A2M: variants seen among roughly 807,000 people sequenced by gnomAD.
The protein encoded by A2M is alpha-2-macroglobulin, also known as C3 and PZP-like alpha-2-macroglobulin domain-containing protein 5.
In A2M, 128 loss-of-function variants were observed where a neutral mutation model predicts 183.9. That is an observed-to-expected ratio of 0.70 (90% CI 0.60 to 0.81). The LOEUF is 0.81. Among genes scored for constraint, A2M ranks in the 30% least tolerant of loss-of-function variants. The probability of loss-of-function intolerance (pLI) is 0.00; values close to 1 mark genes in which losing one functional copy is unlikely to be tolerated. For synonymous variants in A2M, 592 were observed against 670.8 expected, an observed-to-expected ratio of 0.88 and a Z score of 1.81; for missense variants, 1,495 against 1,787.6, an observed-to-expected ratio of 0.84 and a Z score of 2.95.
rs756478524 is a variant in A2M at position 9,074,737 on chromosome 12, C to G, written c.3579G>C (p.Val1193=). Residue 1193 remains valine (V), a synonymous_variant, in exon 29 of 36, where the codon GTG becomes GTC. Coordinates refer to ENST00000318602, the MANE Select transcript of A2M (RefSeq NM_000014.6). Reference sequence around the variant, plus strand: ...GAGCCTGGGGTTCGTAAAAATGCCCCACTGGTGCCTTGGGTTTCTGAGGGC... The same window carrying G: ...GAGCCTGGGGTTCGTAAAAATGCCCGACTGGTGCCTTGGGTTTCTGAGGGC... ...WERPQKPKAP[V]GHFYEPQAPS... 6.2e-7 allele frequency: 1 copy of G among 1,613,740 alleles called. No homozygotes were observed. The highest frequency in any genetic ancestry group is 8.5e-7 in the Non-Finnish European group (1 of 1,179,934).
intron 1 of A2M, chr12:9,115,162 G>A (rs1939028614): frequency 6.6e-6 from 1 of 152,328 alleles, no homozygotes; most frequent in Non-Finnish European, 1.5e-5. Context: ...AAATCACCTA[G>A]TACTCTATTA....
intron 22 of A2M, among the ~76,000 whole-genome samples, chr12:9,085,417 G>A (rs1457453759): frequency 2.0e-5 from 3 of 151,882 alleles, no homozygotes; most frequent in Non-Finnish European, 2.9e-5. Flanking sequence ...AACAGCCAAT[G>A]GGTCAATAAA....
chr12:9,079,689 T>G lies in A2M; in HGVS notation c.2981A>C (p.Gln994Pro). Residue 994 changes from glutamine (Q) to proline (P), a missense_variant, in exon 24 of 36, where the codon CAG becomes CCG. Gln to Pro is a moderately conservative substitution (Grantham distance 76). Transcript: ENST00000318602. ...IYVLDYLNET[Q>P]QLTPEIKSKA... ...GGACTTGATCTCTGGAGTAAGCTGC[T>G]GTGTTTCATTTAGATAATCCAGTAC... The G allele has an allele frequency of 6.2e-7, 1 of 1,613,788 alleles. No individual in the cohort carries two copies. The highest frequency in any genetic ancestry group is 8.5e-7 in the Non-Finnish European group (1 of 1,179,790).
At chr12:9,084,983 C>G (rs1949013512) in intron 22 of A2M, among the ~76,000 whole-genome samples, 2 of 152,142 alleles carry the variant, frequency 1.3e-5, no homozygotes, top group Non-Finnish European at 2.9e-5. Flanking sequence ...AAGGATATAA[C>G]AATTGTAAAT....
intron 1 of A2M, 119 bp from the exon 2 acceptor site, chr12:9,113,662 G>C (rs780531374): frequency 2.0e-6 from 2 of 1,024,438 alleles, no homozygotes; most frequent in Non-Finnish European, 2.9e-6. Context: ...AAGATGTACT[G>C]ATGAGCATGA....
chr12:9,087,301 A>G lies in A2M; in HGVS notation c.2770+1899T>C, dbSNP rs147862532. Among the ~76,000 whole-genome samples the G allele has an allele frequency of 2.7e-3, 417 of 152,332 alleles. 1 individual carries two copies. Among genetic ancestry groups the G allele is most frequent in the African/African-American group, 9.8e-3 (408 of 41,588 alleles). On this transcript the variant is annotated intron_variant, in intron 22 of 35. Coordinates refer to ENST00000318602, the MANE Select transcript of A2M (RefSeq NM_000014.6). ...GATGAACAGATAAAGAAAATTTGGT[A>G]TATACACATAGAATTCCATTCCATT...
chr12:9,068,651 A>G lies in A2M; in HGVS notation c.4366+89T>C, dbSNP rs145295439. 1.2e-3 allele frequency: 1,257 copies of G among 1,023,906 alleles called. 30 individuals are homozygous for G. The East Asian group carries it at 0.027, about 22-fold the overall frequency. 63.4% of individuals were successfully genotyped at this position (1,023,906 alleles called of 1,614,324 possible). A position where few individuals can be genotyped will look rare whatever the true frequency, so the allele number is the denominator to read the frequency against. On this transcript the variant is annotated intron_variant, in intron 34 of 35. Coordinates refer to ENST00000318602, the MANE Select transcript of A2M (RefSeq NM_000014.6). ...AATGAAGTGATAATGTAATTACTTA[A>G]TGTAATAAATAACCCCAACACATCT...
chr12:9,109,546 A>G (rs755976584), intron 6 of A2M, 141 bp from the exon 7 acceptor site: 10 of 672,048 alleles, frequency 1.5e-5, no homozygotes, highest in East Asian at 5.4e-5. Flanking sequence ...ATTCTTATCT[A>G]TCCTCCTCTC....
At chr12:9,070,382 T>G in intron 32 of A2M, 106 bp downstream of exon 32, 1 of 775,850 alleles carries the variant, frequency 1.3e-6, no homozygotes, top group Non-Finnish European at 2.2e-6. Flanking sequence ...GATAAGGCTT[T>G]GATAGAGATT....
chr12:9,077,009 A>T, intron 27 of A2M, 73 bp from the exon 28 acceptor site: 1 of 1,410,878 alleles, frequency 7.1e-7, no homozygotes. Flanking sequence ...AAATACACGG[A>T]TCACAGCACA....
chr12:9,100,254 C>A (rs1002343195), intron 13 of A2M, among the ~76,000 whole-genome samples: 1 of 152,134 alleles, frequency 6.6e-6, no homozygotes, highest in Non-Finnish European at 1.5e-5. Flanking sequence ...AATGACTCAG[C>A]ACAAGACCTG....
chr12:9,094,873 G>T, intron 17 of A2M, 100 bp downstream of exon 17: 1 of 564,518 alleles, frequency 1.8e-6, no homozygotes, highest in Non-Finnish European at 2.9e-6. Flanking sequence ...TGACTCACAT[G>T]TCCTTTTTGT....
chr12:9,103,198 C>A (rs1938022161), intron 11 of A2M, among the ~76,000 whole-genome samples: 1 of 152,148 alleles, frequency 6.6e-6, no homozygotes, highest in African/African-American at 2.4e-5. Flanking sequence ...AAGTATCTAA[C>A]AGTTAAAGGG....
intron 4 of A2M, chr12:9,111,482 G>A (rs1938723613): frequency 2.2e-6 from 1 of 455,580 alleles, no homozygotes; most frequent in Non-Finnish European, 4.4e-6. Flanking sequence ...ACTAGGACTA[G>A]CTTGCAGCAG....
At chr12:9,094,896 G>T in intron 17 of A2M, 77 bp downstream of exon 17, 1 of 706,742 alleles carries the variant, frequency 1.4e-6, no homozygotes, top group East Asian at 3.1e-5. Context: ...GTTAATTTTT[G>T]TCACATTGTA....
chr12:9,094,042 A>G (rs1949294377), intron 17 of A2M, among the ~76,000 whole-genome samples: 1 of 152,098 alleles, frequency 6.6e-6, no homozygotes, highest in Non-Finnish European at 1.5e-5. Flanking sequence ...GTGGAGTCCT[A>G]TGTGGCTGCT....
chr12:9,104,125 C>A, intron 11 of A2M, 114 bp downstream of exon 11: 2 of 1,049,702 alleles, frequency 1.9e-6, no homozygotes, highest in Non-Finnish European at 2.7e-6. Flanking sequence ...TTTCTAATTG[C>A]TAGTTTTTTT....
In A2M at chr12:9,068,810, C is replaced by T. The variant is rs188015653; in HGVS notation, c.4296G>A (p.Thr1432=). The T allele has an allele frequency of 2.4e-5, 39 of 1,607,350 alleles. No homozygotes were observed. Among genetic ancestry groups the T allele is most frequent in the East Asian group, 1.8e-4 (8 of 44,776 alleles). The change falls in exon 34 of 36, where the codon ACG becomes ACA. Residue 1432 remains threonine (T), a synonymous_variant. Transcript: ENST00000318602. ...VSNQTLSLFF[T]VLQDVPVRDL... ...CTCTTACTGGGACATCTTGCAGAACCGTGAAGAACAAGCTCAGTGTCTGAT... is the reference window on the plus strand; with the variant it reads ...CTCTTACTGGGACATCTTGCAGAACTGTGAAGAACAAGCTCAGTGTCTGAT...
intron 8 of A2M, among the ~76,000 whole-genome samples, 181 bp downstream of exon 8, chr12:9,107,343 A>G (rs1428776791): frequency 6.6e-6 from 1 of 152,220 alleles, no homozygotes; most frequent in African/African-American, 2.4e-5. Flanking sequence ...ACAATGGGCA[A>G]TTACGAGAAA....
Sources: allele counts gnomAD v4.1 joint callset (sites outside exome capture counted in the v4.1 genomes callset), GRCh38; gene constraint gnomAD v4.1.1; transcripts MANE v1.5; gene names NCBI Gene and HGNC (gene_info 2026-07-23, HGNC 2026-07-21).